Variants in NR2F1-AS1 observed in about 807,000 individuals in gnomAD.
NR2F1-AS1 encodes the protein NR2F1 antisense RNA 1.
intron 4 of NR2F1-AS1, among the ~76,000 whole-genome samples, chr5:93,519,641 A>G (rs1340197925): frequency 6.6e-6 from 1 of 152,008 alleles, no homozygotes; most frequent in East Asian, 1.9e-4. Context: ...CTCTAAAACA[A>G]TGCTTCTATT....
chr5:93,516,806 A>G (rs1751409006), intron 4 of NR2F1-AS1, among the ~76,000 whole-genome samples: 1 of 152,008 alleles, frequency 6.6e-6, no homozygotes, highest in East Asian at 1.9e-4. Flanking sequence ...CTGTGAGTTT[A>G]GAAACTAGGA....
intron 4 of NR2F1-AS1, among the ~76,000 whole-genome samples, chr5:93,448,233 G>C (rs1045638474): frequency 2.6e-5 from 4 of 151,916 alleles, no homozygotes; most frequent in African/African-American, 9.7e-5. Flanking sequence ...TTATAACACA[G>C]ATTTCACCAC....
At chr5:93,458,499 T>C (rs1462304312) in intron 4 of NR2F1-AS1, among the ~76,000 whole-genome samples, 2 of 152,102 alleles carry the variant, frequency 1.3e-5, no homozygotes, top group Non-Finnish European at 2.9e-5. Context: ...AAGATAAGCA[T>C]ATAATGAAAT....
chr5:93,511,746 A>G (rs143073463), intron 4 of NR2F1-AS1, among the ~76,000 whole-genome samples: 1,788 of 152,286 alleles, frequency 0.012, 20 homozygotes, highest in Non-Finnish European at 0.02. Flanking sequence ...ACCTCCTGTC[A>G]TATCAGCAGT....
chr5:93,442,127 G>A (rs1045549973), intron 4 of NR2F1-AS1, among the ~76,000 whole-genome samples: 1 of 152,228 alleles, frequency 6.6e-6, no homozygotes, highest in Non-Finnish European at 1.5e-5. Context: ...CCCAGCGTGA[G>A]CAACACAAAA....
In NR2F1-AS1 at chr5:93,445,568, C is replaced by CA. The variant is rs999248997; in HGVS notation, n.639-50027dup. On this transcript the variant is annotated intron_variant and non_coding_transcript_variant, in intron 4 of 5. Coordinates refer to ENST00000660523, the Ensembl canonical transcript of NR2F1-AS1. ...AGGCAATAATTAATAGCCTACCAAT[C>CA]AAAAAAAAAAATCCAAGACCAGACA... is the stretch of plus-strand genomic sequence containing the variant. Among the ~76,000 whole-genome samples, 113 of 146,460 alleles carry CA rather than the reference C, an allele frequency of 7.7e-4. No homozygotes were observed. The South Asian group carries it at 0.01, about 13-fold the overall frequency.
At chr5:93,483,825 T>G (rs1750655328) in intron 4 of NR2F1-AS1, among the ~76,000 whole-genome samples, 1 of 152,034 alleles carries the variant, frequency 6.6e-6, no homozygotes, top group Non-Finnish European at 1.5e-5. Flanking sequence ...AATAGCCAAG[T>G]TGATTAAGCA....
intron 4 of NR2F1-AS1, among the ~76,000 whole-genome samples, chr5:93,413,459 T>A (rs1299976091): frequency 6.6e-6 from 1 of 152,094 alleles, no homozygotes; most frequent in Non-Finnish European, 1.5e-5. Flanking sequence ...TCAGGGTTCA[T>A]CTCTTTAAGG....
chr5:93,428,172 A>G (rs1749235291), intron 4 of NR2F1-AS1, among the ~76,000 whole-genome samples: 1 of 152,236 alleles, frequency 6.6e-6, no homozygotes, highest in African/African-American at 2.4e-5. Flanking sequence ...AGAGCTTAAC[A>G]TAATATAAAT....
At chr5:93,569,300 T>C (rs1345532430) in intron 1 of NR2F1-AS1, among the ~76,000 whole-genome samples, 1 of 152,118 alleles carries the variant, frequency 6.6e-6, no homozygotes, top group Non-Finnish European at 1.5e-5. Flanking sequence ...AAGGGCTATG[T>C]CAAAGTAAGG....
At chr5:93,541,957 A>C (rs1405077219) in intron 4 of NR2F1-AS1, 2 of 151,936 alleles carry the variant, frequency 1.3e-5, no homozygotes, top group African/African-American at 4.8e-5. Flanking sequence ...AAAATTTTAA[A>C]TATTATTACT....
At chr5:93,483,583 C>A (rs540729218) in intron 4 of NR2F1-AS1, among the ~76,000 whole-genome samples, 1 of 152,188 alleles carries the variant, frequency 6.6e-6, no homozygotes, top group Non-Finnish European at 1.5e-5. Flanking sequence ...GGGAACAAAA[C>A]TGGACTGAGG....
chr5:93,418,425 A>G (rs1035091400), intron 4 of NR2F1-AS1, among the ~76,000 whole-genome samples: 1 of 152,090 alleles, frequency 6.6e-6, no homozygotes, highest in Non-Finnish European at 1.5e-5. Flanking sequence ...CGCCTCTACT[A>G]AAAATACAAA....
chr5:93,575,557 G>T (rs1369593674), intron 1 of NR2F1-AS1, among the ~76,000 whole-genome samples: 3 of 152,132 alleles, frequency 2.0e-5, no homozygotes, highest in African/African-American at 7.2e-5. Context: ...AAAATTGTGG[G>T]GAGAAATTGA....
intron 1 of NR2F1-AS1, among the ~76,000 whole-genome samples, chr5:93,568,689 C>T (rs1041790803): frequency 6.6e-6 from 1 of 151,790 alleles, no homozygotes; most frequent in African/African-American, 2.4e-5. Flanking sequence ...AGGTCCGTGG[C>T]CATATGATCA....
chr5:93,441,445 A>G (rs1378309559), intron 4 of NR2F1-AS1, among the ~76,000 whole-genome samples: 1 of 152,168 alleles, frequency 6.6e-6, no homozygotes, highest in Non-Finnish European at 1.5e-5. Context: ...AGGTTTCAAG[A>G]ATGTCTGTGA....
At chr5:93,479,768 C>G (rs1479885474) in intron 4 of NR2F1-AS1, among the ~76,000 whole-genome samples, 1 of 151,450 alleles carries the variant, frequency 6.6e-6, no homozygotes, top group Non-Finnish European at 1.5e-5. Context: ...TTAAAGGAAA[C>G]CATGAGTAAA....
chr5:93,562,798 C>T (rs1263163170), intron 2 of NR2F1-AS1, among the ~76,000 whole-genome samples: 2 of 152,136 alleles, frequency 1.3e-5, no homozygotes, highest in Non-Finnish European at 2.9e-5. Context: ...CCTTTATCTA[C>T]TCCACATGCC....
chr5:93,548,082 C>T (rs1752131128), intron 4 of NR2F1-AS1, among the ~76,000 whole-genome samples: 1 of 152,098 alleles, frequency 6.6e-6, no homozygotes. Flanking sequence ...AAAGCAAAAA[C>T]CAGAAATTCC....
Sources: allele counts gnomAD v4.1 joint callset (sites outside exome capture counted in the v4.1 genomes callset), GRCh38; gene constraint gnomAD v4.1.1; transcripts MANE v1.5; gene names NCBI Gene and HGNC (gene_info 2026-07-23, HGNC 2026-07-21).